Variants in CUL1 observed in about 807,000 individuals in gnomAD.
CUL1 encodes cullin 1, also known as cullin-1.
In CUL1, 24 loss-of-function variants were observed where a neutral mutation model predicts 118.0. The observed-to-expected ratio is 0.20, with a 90% CI of 0.15 to 0.29. The LOEUF (loss-of-function observed/expected upper bound fraction) is 0.29, where lower values mean the gene tolerates loss of function less well. CUL1 is among the 10% of genes least tolerant of loss of function. CUL1 has a pLI of 1.00. For missense variants in CUL1, 361 were observed against 933.8 expected (o/e 0.39, Z 7.99); for synonymous variants, 332 against 340.4 (o/e 0.98, Z 0.27).
intron 2 of CUL1, among the ~76,000 whole-genome samples, chr7:148,736,786 CAATG>C (rs1257097642): frequency 1.3e-5 from 2 of 152,166 alleles, no homozygotes; most frequent in South Asian, 2.1e-4. Flanking sequence ...ATTAAAAACA[CAATG>C]AAGACTGTTG....
At chr7:148,707,850 T>A in intron 1 of CUL1, among the ~76,000 whole-genome samples, 1 of 152,248 alleles carries the variant, frequency 6.6e-6, no homozygotes, top group African/African-American at 2.4e-5. Flanking sequence ...AGATTGGTTC[T>A]CTTGCATTTC....
At chr7:148,741,402 G>A (rs1271991206) in intron 2 of CUL1, among the ~76,000 whole-genome samples, 5 of 152,102 alleles carry the variant, frequency 3.3e-5, no homozygotes, top group African/African-American at 1.2e-4. Flanking sequence ...CCACATTCTG[G>A]CCAACACTTG....
chr7:148,698,682 C>T (rs930080444), upstream of CUL1: 10 of 151,994 alleles, frequency 6.6e-5, no homozygotes, highest in African/African-American at 2.4e-4. Context: ...ACGACGGTTT[C>T]CCGGCTCCCC....
chr7:148,773,279 A>G (rs1003048510), intron 9 of CUL1, among the ~76,000 whole-genome samples: 7 of 152,030 alleles, frequency 4.6e-5, no homozygotes, highest in African/African-American at 1.7e-4. Context: ...CTATTATAAT[A>G]TCATTCCCCT....
At chr7:148,764,436 A>G (rs904761377) in intron 7 of CUL1, among the ~76,000 whole-genome samples, 3 of 152,182 alleles carry the variant, frequency 2.0e-5, no homozygotes, top group Admixed American at 6.5e-5. Context: ...ATGTTTCTGT[A>G]ATCACCTAGG....
In CUL1 at chr7:148,699,543, C is replaced by T. The variant is rs572783893; in HGVS notation, c.-162+514C>T. 2.0e-5 allele frequency among the ~76,000 whole-genome samples: 3 copies of T among 152,250 alleles called. No homozygotes were observed. The East Asian group carries it at 5.8e-4, about 30-fold the overall frequency. On this transcript the variant is annotated intron_variant, in intron 1 of 21. Transcript: ENST00000325222. ...CGGCCGACGCGTGTTCCCCTGTGAG[C>T]TCTGGGCTCAAGCGCAGGAGCAGCC... is the stretch of plus-strand genomic sequence containing the variant.
At chr7:148,791,657 C>T (rs1011027978) in intron 16 of CUL1, among the ~76,000 whole-genome samples, 1 of 152,230 alleles carries the variant, frequency 6.6e-6, no homozygotes, top group African/African-American at 2.4e-5. Context: ...CTGTTCAAGG[C>T]CCTGGAAGCA....
intron 1 of CUL1, among the ~76,000 whole-genome samples, chr7:148,726,242 A>G (rs538217837): frequency 6.6e-6 from 1 of 152,348 alleles, no homozygotes. Flanking sequence ...AGACAGGAGA[A>G]TGGAGGTGTT....
intron 1 of CUL1, among the ~76,000 whole-genome samples, chr7:148,716,485 TCCCATCTACATTGAGAAG>T (rs1267563546): frequency 6.6e-6 from 1 of 152,198 alleles, no homozygotes; most frequent in African/African-American, 2.4e-5. Context: ...TAATTTTTTG[TCCCATCTACATTGAGAAG>T]CCCCCTGAAA....
At chr7:148,724,438 T>TGTGTGTGTCTGCACGC (rs1184271592) in intron 1 of CUL1, among the ~76,000 whole-genome samples, 6 of 152,208 alleles carry the variant, frequency 3.9e-5, no homozygotes, top group Admixed American at 6.5e-5. Flanking sequence ...CTGTGGCGCG[T>TGTGTGTGTCTGCACGC]GTGTGTGTCT....
chr7:148,709,912 A>G lies in CUL1; in HGVS notation c.-162+10883A>G, dbSNP rs116053106. 1.8e-3 allele frequency among the ~76,000 whole-genome samples: 270 copies of G among 151,854 alleles called. 1 individual carries two copies. Among genetic ancestry groups the G allele is most frequent in the African/African-American group, 6.1e-3 (252 of 41,408 alleles). Reference sequence around the variant, plus strand: ...AGCCTGGGCAACGTAGTGAAACCCCATCTGTACAAAAAATGAAAAGATTAG... The same window carrying G: ...AGCCTGGGCAACGTAGTGAAACCCCGTCTGTACAAAAAATGAAAAGATTAG... On this transcript the variant is annotated intron_variant, in intron 1 of 21. Transcript: ENST00000325222.
intron 2 of CUL1, among the ~76,000 whole-genome samples, chr7:148,734,298 A>G (rs1314886463): frequency 1.3e-5 from 2 of 152,168 alleles, no homozygotes; most frequent in Non-Finnish European, 2.9e-5. Context: ...CCCAGGCTGG[A>G]GTGCAGTTGT....
At chr7:148,783,394 C>T (rs1800712244) in intron 9 of CUL1, 16 of 985,472 alleles carry the variant, frequency 1.6e-5, no homozygotes, top group Admixed American at 6.1e-5. Context: ...GGCTGATGAC[C>T]GACCTCGGCG....
intron 1 of CUL1, among the ~76,000 whole-genome samples, chr7:148,715,169 T>G (rs1180708293): frequency 1.3e-5 from 2 of 152,216 alleles, no homozygotes; most frequent in African/African-American, 4.8e-5. Context: ...TGTATCATGG[T>G]GAATGGGGTA....
intron 1 of CUL1, among the ~76,000 whole-genome samples, chr7:148,714,664 A>G (rs750513729): frequency 2.0e-5 from 3 of 152,112 alleles, no homozygotes; most frequent in Non-Finnish European, 4.4e-5. Context: ...TCTCATTGCC[A>G]TCTCGTGGTG....
chr7:148,760,270 A>T (rs573345263), intron 6 of CUL1, 63 bp from the exon 7 acceptor site: 1 of 1,384,806 alleles, frequency 7.2e-7, no homozygotes, highest in Admixed American at 2.1e-5. Flanking sequence ...ACACCTAAGT[A>T]TATTCTGTGA....
At chr7:148,699,243 C>G (rs1015745177) in intron 1 of CUL1, among the ~76,000 whole-genome samples, 1 of 151,866 alleles carries the variant, frequency 6.6e-6, no homozygotes, top group Admixed American at 6.6e-5. Flanking sequence ...GAGGAGCGAG[C>G]GGGGCCGGGC....
rs1800896126 is a variant in CUL1 at position 148,788,552 on chromosome 7, C to T, written c.1480-5C>T. On this transcript the variant is annotated splice_region_variant and splice_polypyrimidine_tract_variant and intron_variant, in intron 13 of 21. Transcript: ENST00000325222. ...TAATAAGACAGTCATCTGGGTTCTT[C>T]TCAGCAAGCTTGCGGGTTCGAGTAC... 1 of 1,602,402 alleles carries T rather than the reference C, an allele frequency of 6.2e-7. No individual in the cohort carries two copies. Among genetic ancestry groups the T allele is most frequent in the Non-Finnish European group, 8.5e-7 (1 of 1,171,244 alleles).
At chr7:148,783,635 A>G (rs957844942) in intron 9 of CUL1, 148 bp from the exon 10 acceptor site, 1 of 1,541,560 alleles carries the variant, frequency 6.5e-7, no homozygotes, top group South Asian at 1.2e-5. Context: ...GATGGTACCA[A>G]AAGTATTTCT....
Sources: allele counts gnomAD v4.1 joint callset (sites outside exome capture counted in the v4.1 genomes callset), GRCh38; gene constraint gnomAD v4.1.1; transcripts MANE v1.5; gene names NCBI Gene and HGNC (gene_info 2026-07-23, HGNC 2026-07-21).